The following POLN variants were observed in gnomAD, a reference collection of about 807,000 sequenced individuals.
POLN encodes DNA polymerase N.
A neutral mutation model predicts 113.5 loss-of-function variants in POLN; 108 were observed. The observed-to-expected ratio is 0.95, with a 90% confidence interval of 0.81 to 1.12. The LOEUF (loss-of-function observed/expected upper bound fraction) is 1.12, where lower values mean the gene tolerates loss of function less well. Ranked by LOEUF, POLN falls within the 50% of genes most tolerant of loss-of-function variation. POLN has a pLI of 0.00. For synonymous variants in POLN, 386 were observed against 391.5 expected, an observed-to-expected ratio of 0.99 and a Z score of 0.17; for missense variants, 1,097 against 1,077.1, an observed-to-expected ratio of 1.02 and a Z score of -0.26.
At chr4:2,226,856 G>A (rs1734407569) in intron 3 of POLN, among the ~76,000 whole-genome samples, 1 of 152,178 alleles carries the variant, frequency 6.6e-6, no homozygotes, top group African/African-American at 2.4e-5. Flanking sequence ...TTTCTTAGAA[G>A]AATTTGACAT....
intron 19 of POLN, among the ~76,000 whole-genome samples, chr4:2,113,381 TATAATA>T (rs555352060): frequency 2.0e-5 from 3 of 151,280 alleles, no homozygotes; most frequent in Admixed American, 6.6e-5. Context: ...AAACTTAAAG[TATAATA>T]ATAATAATAA....
intron 5 of POLN, among the ~76,000 whole-genome samples, chr4:2,204,109 C>CAAAAAAAAAA (rs566255148): frequency 1.5e-4 from 8 of 53,234 alleles, no homozygotes; most frequent in African/African-American, 2.3e-4. Flanking sequence ...AACTCTATCA[C>CAAAAAAAAAA]AAAAAAAAAA....
intron 23 of POLN, among the ~76,000 whole-genome samples, chr4:2,078,204 G>A (rs557330564): frequency 2.0e-5 from 3 of 152,336 alleles, no homozygotes; most frequent in Admixed American, 6.5e-5. Context: ...GCACTGACAC[G>A]TTCTGAAACC....
intron 3 of POLN, among the ~76,000 whole-genome samples, chr4:2,225,468 T>C (rs1211766412): frequency 6.6e-6 from 1 of 151,136 alleles, no homozygotes; most frequent in East Asian, 1.9e-4. Flanking sequence ...GGCAGGAGAA[T>C]CCCTTGAACC....
Position 2,076,051 on chromosome 4 carries a change from C to G in POLN, c.2388-532G>C, listed in dbSNP as rs539551056. On this transcript the variant is annotated intron_variant, in intron 23 of 25. Coordinates refer to ENST00000511885, the MANE Select transcript of POLN (RefSeq NM_181808.4). The stretch of plus-strand genomic sequence containing the variant: ...TGGTGAGCATCCAGCCAGCCCCAGC[C>G]AGGCCCCAGCCAAGCCCCACCCTTC... Among the ~76,000 whole-genome samples, 20 of 152,286 alleles carry G rather than the reference C, an allele frequency of 1.3e-4. 1 individual carries two copies. The South Asian group carries it at 3.9e-3, about 30-fold the overall frequency.
intron 13 of POLN, among the ~76,000 whole-genome samples, chr4:2,161,754 C>A (rs374327085): frequency 6.6e-6 from 1 of 152,202 alleles, no homozygotes; most frequent in African/African-American, 2.4e-5. Flanking sequence ...GGACGTGGAG[C>A]ACCTTTATGT....
intron 13 of POLN, among the ~76,000 whole-genome samples, chr4:2,165,675 G>A (rs771946241): frequency 6.6e-6 from 1 of 152,162 alleles, no homozygotes; most frequent in Non-Finnish European, 1.5e-5. Context: ...GTTGATAGAG[G>A]GGGAGCCTGT....
chr4:2,115,652 T>A (rs1475093414), intron 19 of POLN, among the ~76,000 whole-genome samples: 1 of 152,208 alleles, frequency 6.6e-6, no homozygotes, highest in Non-Finnish European at 1.5e-5. Context: ...ATATGCTAGA[T>A]ATTTTGCATA....
Position 2,127,976 on chromosome 4 carries a change from T to C in POLN, c.1982+137A>G. ...ATGGCATCCTAGTTATCTACTCTTCTTTTCAAAATGATTAGCTATTAGCCA... is the reference window on the plus strand; with the variant it reads ...ATGGCATCCTAGTTATCTACTCTTCCTTTCAAAATGATTAGCTATTAGCCA... On this transcript the variant is annotated intron_variant, in intron 19 of 25. Transcript: ENST00000511885. The surrounding 1 kb of genome is among the most constrained non-coding windows in gnomAD (Gnocchi z 4.7). The C allele has an allele frequency of 1.6e-6, 1 of 622,242 alleles. No homozygotes were observed. Among genetic ancestry groups the C allele is most frequent in the Non-Finnish European group, 2.8e-6 (1 of 356,720 alleles). The allele number at this position is 622,242 out of a possible 1,614,324, so 38.5% of individuals were successfully genotyped here.
rs1731594648 is a variant in POLN, at chr4:2,126,893, C to A, written c.1982+1220G>T. 6.6e-6 allele frequency among the ~76,000 whole-genome samples: 1 copy of A among 152,140 alleles called. No individual in the cohort carries two copies. Among genetic ancestry groups the A allele is most frequent in the South Asian group, 2.1e-4 (1 of 4,822 alleles). On this transcript the variant is annotated intron_variant, in intron 19 of 25. Transcript: ENST00000511885. This position sits in a 1 kb window ranked among gnomAD's most constrained non-coding sequence, Gnocchi z 4.6. ...GGCCAGAGAGCAGCCAGAGCCCTCG[C>A]AGGTCCCCCGCCTTCAGCAAAGACA...
At chr4:2,161,093 G>A (rs1170762393) in intron 13 of POLN, among the ~76,000 whole-genome samples, 1 of 152,178 alleles carries the variant, frequency 6.6e-6, no homozygotes, top group East Asian at 1.9e-4. Flanking sequence ...GGTACTGAGA[G>A]GTGACACCGC....
chr4:2,074,436 G>A (rs904329763), intron 24 of POLN, among the ~76,000 whole-genome samples: 4 of 152,218 alleles, frequency 2.6e-5, no homozygotes, highest in Non-Finnish European at 1.5e-5. Context: ...AGCTGCTCCC[G>A]GGAACAAGGC....
chr4:2,206,119 T>C (rs1733836475), intron 5 of POLN, among the ~76,000 whole-genome samples: 1 of 152,150 alleles, frequency 6.6e-6, no homozygotes, highest in South Asian at 2.1e-4. Flanking sequence ...CAACTGATCT[T>C]TGACAAAGCA....
At chr4:2,241,044 A>C in intron 2 of POLN, 1 of 848,028 alleles carries the variant, frequency 1.2e-6, no homozygotes, top group Non-Finnish European at 1.9e-6. Flanking sequence ...GTTTTATACC[A>C]AGTCCACAGA....
chr4:2,089,584 T>C (rs2108695137), intron 20 of POLN: 2 of 1,034,984 alleles, frequency 1.9e-6, no homozygotes, highest in South Asian at 3.3e-5. Flanking sequence ...AACTTCAGTT[T>C]CTTTACTAGC....
chr4:2,133,311 C>G (rs1731773521), intron 16 of POLN, among the ~76,000 whole-genome samples: 1 of 152,054 alleles, frequency 6.6e-6, no homozygotes, highest in African/African-American at 2.4e-5. Context: ...AATTCCACTG[C>G]AGGGGATGTA....
chr4:2,090,877 G>T (rs1241040854), intron 20 of POLN, among the ~76,000 whole-genome samples: 1 of 152,198 alleles, frequency 6.6e-6, no homozygotes, highest in African/African-American at 2.4e-5. Flanking sequence ...TTCAAACCTA[G>T]AATTTGGCCT....
At chr4:2,175,724 G>A (rs989988216) in intron 9 of POLN, among the ~76,000 whole-genome samples, 19 of 152,190 alleles carry the variant, frequency 1.2e-4, no homozygotes, top group Non-Finnish European at 2.4e-4. Flanking sequence ...CCCATAAGGC[G>A]GGGCAGGCTC....
intron 13 of POLN, among the ~76,000 whole-genome samples, chr4:2,165,726 G>A (rs1732712854): frequency 1.3e-5 from 2 of 152,104 alleles, no homozygotes; most frequent in South Asian, 2.1e-4. Flanking sequence ...CAGGGAGTAT[G>A]GGAACTCTCT....
Sources: allele counts gnomAD v4.1 joint callset (sites outside exome capture counted in the v4.1 genomes callset), GRCh38; gene constraint gnomAD v4.1.1; non-coding constraint Gnocchi (gnomAD v3.1); transcripts MANE v1.5; gene names NCBI Gene and HGNC (gene_info 2026-07-23, HGNC 2026-07-21).